Variants in HDAC9 observed in about 807,000 individuals in gnomAD.
The protein encoded by HDAC9 is histone deacetylase 9, also known as MEF-2 interacting transcription repressor (MITR) protein.
A neutral mutation model predicts 139.4 loss-of-function variants in HDAC9; 41 were observed. The observed-to-expected ratio is 0.29, with a 90% CI of 0.23 to 0.38. HDAC9 has a LOEUF of 0.38. Among genes scored for constraint, HDAC9 ranks in the 10% least tolerant of loss-of-function variants. The pLI, the probability that HDAC9 is intolerant of heterozygous loss-of-function variation, is 1.00. For synonymous variants in HDAC9, 517 were observed against 476.2 expected, an observed-to-expected ratio of 1.09 and a Z score of -1.12; for missense variants, 1,147 against 1,297.0, an observed-to-expected ratio of 0.88 and a Z score of 1.78.
intron 2 of HDAC9, among the ~76,000 whole-genome samples, chr7:18,552,864 T>G (rs370257362): frequency 3.3e-5 from 5 of 152,342 alleles, no homozygotes; most frequent in African/African-American, 1.2e-4. Context: ...TGTAGAATTA[T>G]CATCAAAGAG....
chr7:18,356,535 T>G (rs1461286895), intron 1 of HDAC9, among the ~76,000 whole-genome samples: 2 of 151,988 alleles, frequency 1.3e-5, no homozygotes, highest in Admixed American at 1.3e-4. Flanking sequence ...TCCTGTTAGT[T>G]GCTCCCTTTC....
intron 1 of HDAC9, among the ~76,000 whole-genome samples, chr7:18,391,211 C>A (rs1021976864): frequency 6.6e-6 from 1 of 151,740 alleles, no homozygotes; most frequent in African/African-American, 2.4e-5. Context: ...ATGGTGAAAC[C>A]CCGTCTCTAC....
Position 18,258,651 on chromosome 7 carries a change from A to C in HDAC9, c.25+96302A>C, listed in dbSNP as rs79222757. The stretch of plus-strand genomic sequence containing the variant: ...CTAGCTCAGAGAAATAACTTGGTTT[A>C]GATTACACAGCTAATATGTTACAAA... On this transcript the variant is annotated intron_variant, in intron 2 of 12. Transcript: ENST00000417496. Among the ~76,000 whole-genome samples the C allele has an allele frequency of 3.9e-3, 597 of 152,354 alleles. 3 individuals are homozygous for C. The highest frequency in any genetic ancestry group is 0.014 in the African/African-American group (570 of 41,592).
At chr7:18,578,154 A>G (rs758398145) in intron 2 of HDAC9, 13 of 518,862 alleles carry the variant, frequency 2.5e-5, no homozygotes, top group African/African-American at 1.3e-4. Flanking sequence ...TTTTGGAGCC[A>G]GAGAAACAAG....
At chr7:18,444,970 A>G (rs1467647397) in intron 1 of HDAC9, among the ~76,000 whole-genome samples, 1 of 152,216 alleles carries the variant, frequency 6.6e-6, no homozygotes, top group African/African-American at 2.4e-5. Flanking sequence ...CAAGTGATCT[A>G]AGACCCAGGG....
chr7:18,268,814 T>C (rs1047186707), intron 2 of HDAC9, among the ~76,000 whole-genome samples: 1 of 152,210 alleles, frequency 6.6e-6, no homozygotes, highest in Non-Finnish European at 1.5e-5. Context: ...CTTAAATGGA[T>C]AACCACTTGA....
chr7:18,229,268 A>T (rs1483075361), intron 2 of HDAC9, among the ~76,000 whole-genome samples: 2 of 152,196 alleles, frequency 1.3e-5, no homozygotes, highest in African/African-American at 4.8e-5. Context: ...CCACTGTGTC[A>T]CATATACATG....
At chr7:18,742,153 T>C (rs1346111223) in intron 13 of HDAC9, among the ~76,000 whole-genome samples, 1 of 152,168 alleles carries the variant, frequency 6.6e-6, no homozygotes, top group Non-Finnish European at 1.5e-5. Flanking sequence ...TGAAAGAAGG[T>C]CTACTATCGG....
intron 21 of HDAC9, among the ~76,000 whole-genome samples, chr7:18,849,032 A>G (rs746548609): frequency 6.6e-6 from 1 of 152,200 alleles, no homozygotes; most frequent in Admixed American, 6.5e-5. Context: ...CTAACATTCT[A>G]TAGAACACAG....
rs79374031 is a variant in HDAC9, at chr7:18,782,605, G to A, written c.2215-10740G>A. Reference sequence around the variant, plus strand: ...GTGGCTAGAAAACATGTAGCTTTCTGATTGGAGGTAGTTCCTGGCTTCCAG... The same window carrying A: ...GTGGCTAGAAAACATGTAGCTTTCTAATTGGAGGTAGTTCCTGGCTTCCAG... On this transcript the variant is annotated intron_variant, in intron 16 of 25. Coordinates refer to ENST00000686413, the MANE Select transcript of HDAC9 (RefSeq NM_178425.4). Among the ~76,000 whole-genome samples the A allele has an allele frequency of 8.3e-3, 1,257 of 152,122 alleles. 16 individuals carry two copies. The highest frequency in any genetic ancestry group is 0.029 in the African/African-American group (1,206 of 41,526).
At chr7:18,431,571 T>A (rs187748488) in intron 1 of HDAC9, among the ~76,000 whole-genome samples, 59 of 152,276 alleles carry the variant, frequency 3.9e-4, no homozygotes, top group Non-Finnish European at 4.1e-4. Context: ...AATAGCCAAA[T>A]AAGATAGCTG....
At chr7:18,246,097 AATTTATTGAAAAAGTAAG>A (rs1794504960) in intron 2 of HDAC9, among the ~76,000 whole-genome samples, 1 of 148,994 alleles carries the variant, frequency 6.7e-6, no homozygotes, top group Admixed American at 6.8e-5. Context: ...ATAATCAATG[AATTTATTGAAAAAGTAAG>A]TTATCTAGTA....
At chr7:18,650,608 T>A (rs1258492639) in intron 11 of HDAC9, among the ~76,000 whole-genome samples, 1 of 152,174 alleles carries the variant, frequency 6.6e-6, no homozygotes, top group Admixed American at 6.6e-5. Context: ...AAAACTCAGA[T>A]GAAAAGCAGG....
intron 1 of HDAC9, among the ~76,000 whole-genome samples, chr7:18,438,922 A>G (rs1791485318): frequency 6.6e-6 from 1 of 152,204 alleles, no homozygotes; most frequent in Non-Finnish European, 1.5e-5. Context: ...TGATGATGCT[A>G]ACAGTTAAGG....
At position 18,098,778 on chromosome 7, in the gene HDAC9, T is replaced by A. The variant is rs1163973257; in HGVS notation, c.-97+11565T>A. 2.0e-5 allele frequency among the ~76,000 whole-genome samples: 3 copies of A among 152,348 alleles called. No homozygotes were observed. The East Asian group carries it at 5.8e-4, about 29-fold the overall frequency. ...GCTGCTCATTGAGTGGACTTGTAGA[T>A]GTGCTCTTGAATAGATTTCACACAA... On this transcript the variant is annotated intron_variant, in intron 1 of 12. Transcript: ENST00000417496.
At chr7:18,671,394 G>C (rs1795669253) in intron 12 of HDAC9, among the ~76,000 whole-genome samples, 2 of 151,930 alleles carry the variant, frequency 1.3e-5, no homozygotes, top group South Asian at 4.1e-4. Context: ...CTTTTGAAGA[G>C]TCCGATTCAG....
intron 22 of HDAC9, among the ~76,000 whole-genome samples, chr7:18,906,519 G>A (rs1802278586): frequency 1.3e-5 from 2 of 152,172 alleles, no homozygotes; most frequent in Non-Finnish European, 2.9e-5. Context: ...ATTTTGAGTT[G>A]TTAAGATAAT....
chr7:18,162,810 A>G (rs915874326), intron 2 of HDAC9, among the ~76,000 whole-genome samples: 5 of 152,052 alleles, frequency 3.3e-5, no homozygotes, highest in Admixed American at 3.3e-4. Context: ...CTTTGCTGCC[A>G]TTCCTGTTTC....
upstream of HDAC9, among the ~76,000 whole-genome samples, chr7:18,491,873 C>A (rs889597309): frequency 6.6e-6 from 1 of 151,854 alleles, no homozygotes; most frequent in Non-Finnish European, 1.5e-5. Flanking sequence ...CACTCAAACT[C>A]ACACTAATGT....
Sources: gnomAD v4.1 joint callset for allele counts (sites outside exome capture counted in the v4.1 genomes callset) on GRCh38, gnomAD v4.1.1 for gene constraint, MANE v1.5 for transcripts, NCBI Gene and HGNC (gene_info 2026-07-23, HGNC 2026-07-21) for gene names.